Variants in ZZZ3 observed in about 807,000 individuals in gnomAD.
ZZZ3 encodes zinc finger ZZ-type containing 3.
Under a neutral mutation model 95.2 loss-of-function variants are expected in ZZZ3, and 22 were observed. That is an observed-to-expected ratio of 0.23 (90% CI 0.17 to 0.33). ZZZ3 has a LOEUF of 0.33. Among genes scored for constraint, ZZZ3 ranks in the 10% least tolerant of loss-of-function variants. ZZZ3 has a pLI of 1.00. For synonymous variants in ZZZ3, 335 were observed against 358.9 expected (o/e 0.93, Z 0.75); for missense variants, 885 against 1,066.5 (o/e 0.83, Z 2.37).
At chr1:77,575,393 CAA>C (rs971667234) in intron 12 of ZZZ3, among the ~76,000 whole-genome samples, 6 of 152,016 alleles carry the variant, frequency 3.9e-5, no homozygotes, top group Non-Finnish European at 7.4e-5. Flanking sequence ...GCTGTTATGC[CAA>C]AAAAAGAGAC....
intron 5 of ZZZ3, among the ~76,000 whole-genome samples, chr1:77,596,911 T>C (rs1162051462): frequency 6.6e-6 from 1 of 152,114 alleles, no homozygotes; most frequent in Admixed American, 6.6e-5. Flanking sequence ...AGTTTATAGA[T>C]ATGTGCATAT....
intron 12 of ZZZ3, 125 bp downstream of exon 12, chr1:77,575,943 T>C (rs978061856): frequency 2.7e-6 from 2 of 750,764 alleles, no homozygotes; most frequent in African/African-American, 3.6e-5. Context: ...GTACATTACT[T>C]AAAAACTATA....
At chr1:77,676,847 T>C (rs1385554311) in intron 1 of ZZZ3, 3 of 152,186 alleles carry the variant, frequency 2.0e-5, no homozygotes, top group Non-Finnish European at 2.9e-5. Context: ...AAATAAAGCA[T>C]TATTTAACAG....
At chr1:77,656,137 T>C (rs1670249765) in intron 1 of ZZZ3, among the ~76,000 whole-genome samples, 1 of 152,240 alleles carries the variant, frequency 6.6e-6, no homozygotes, top group Admixed American at 6.5e-5. Context: ...TTCATCAACT[T>C]ACAGTTTTCC....
intron 1 of ZZZ3, among the ~76,000 whole-genome samples, chr1:77,663,786 T>C (rs1488191997): frequency 6.6e-6 from 1 of 152,030 alleles, no homozygotes; most frequent in Non-Finnish European, 1.5e-5. Flanking sequence ...TTCGCTTTTG[T>C]TGCCCAGGCT....
chr1:77,607,751 A>C (rs1051753477), intron 5 of ZZZ3, among the ~76,000 whole-genome samples: 8 of 151,932 alleles, frequency 5.3e-5, no homozygotes, highest in Non-Finnish European at 1.0e-4. Context: ...GTGAAACCTT[A>C]TCTCTCCTAA....
At chr1:77,659,308 G>T (rs1340022413) in intron 1 of ZZZ3, among the ~76,000 whole-genome samples, 2 of 152,084 alleles carry the variant, frequency 1.3e-5, no homozygotes, top group Non-Finnish European at 2.9e-5. Context: ...GTTTAATTTA[G>T]TTTAATTCGA....
intron 1 of ZZZ3, among the ~76,000 whole-genome samples, chr1:77,681,139 C>T (rs1322041025): frequency 6.6e-6 from 1 of 152,164 alleles, no homozygotes; most frequent in African/African-American, 2.4e-5. Context: ...ACTTTCTCCC[C>T]TTCATTTAAG....
At chr1:77,579,976 AG>A (rs1225186396) in intron 9 of ZZZ3, 1 of 155,836 alleles carries the variant, frequency 6.4e-6, no homozygotes, top group Non-Finnish European at 1.4e-5. Context: ...ATCCAAGAAA[AG>A]ATGGTCAATC....
chr1:77,569,915 T>C (rs1661204494), intron 12 of ZZZ3, among the ~76,000 whole-genome samples: 1 of 152,192 alleles, frequency 6.6e-6, no homozygotes, highest in Non-Finnish European at 1.5e-5. Flanking sequence ...TGCTCACTTA[T>C]TTCCTAAAAG....
intron 1 of ZZZ3, among the ~76,000 whole-genome samples, chr1:77,668,775 T>G (rs1295235692): frequency 6.6e-6 from 1 of 152,076 alleles, no homozygotes. Flanking sequence ...ACACAGTCCA[T>G]TTGCCCAAAA....
chr1:77,606,394 T>TC (rs1386257237), intron 5 of ZZZ3, among the ~76,000 whole-genome samples: 1 of 152,128 alleles, frequency 6.6e-6, no homozygotes, highest in Non-Finnish European at 1.5e-5. Context: ...TCTCTAGACC[T>TC]CCCCAGAGTC....
At chr1:77,634,175 T>C (rs1668088414) in intron 4 of ZZZ3, among the ~76,000 whole-genome samples, 1 of 150,656 alleles carries the variant, frequency 6.6e-6, no homozygotes, top group Non-Finnish European at 1.5e-5. Flanking sequence ...CTCAAAAAAA[T>C]AAATAAATAA....
At chr1:77,670,778 A>G (rs1284740764) in intron 1 of ZZZ3, among the ~76,000 whole-genome samples, 3 of 151,800 alleles carry the variant, frequency 2.0e-5, no homozygotes, top group Non-Finnish European at 4.4e-5. Flanking sequence ...AAACACCCTG[A>G]CAAACAGCCA....
At chr1:77,661,947 G>T (rs1670827077) in intron 1 of ZZZ3, among the ~76,000 whole-genome samples, 2 of 150,044 alleles carry the variant, frequency 1.3e-5, no homozygotes, top group African/African-American at 4.9e-5. Context: ...CTCCTGAGTA[G>T]CTAGGACTAC....
At chr1:77,570,305 G>A (rs1030384299) in intron 12 of ZZZ3, among the ~76,000 whole-genome samples, 5 of 152,014 alleles carry the variant, frequency 3.3e-5, no homozygotes, top group African/African-American at 7.2e-5. Flanking sequence ...GGGTTTCACC[G>A]TGTTAGCCGG....
rs1282230666 is a variant in ZZZ3, at chr1:77,631,720, A to T, written c.1505+130T>A. The T allele has an allele frequency of 4.2e-6, 3 of 713,728 alleles. No homozygotes were observed. The African/African-American group carries it at 5.4e-5, about 13-fold the overall frequency. 44.2% of individuals were successfully genotyped at this position (713,728 alleles called of 1,614,324 possible). A position where few individuals can be genotyped will look rare whatever the true frequency, so the allele number is the denominator to read the frequency against. On this transcript the variant is annotated intron_variant, in intron 5 of 14. Coordinates refer to ENST00000370801, the MANE Select transcript of ZZZ3 (RefSeq NM_015534.6). Reference sequence around the variant, plus strand: ...TTGGAGTTTTTCTAAGAGTTGAGAAAATCATATTAAACCTAAAATTTTAGT... The same window carrying T: ...TTGGAGTTTTTCTAAGAGTTGAGAATATCATATTAAACCTAAAATTTTAGT...
intron 5 of ZZZ3, among the ~76,000 whole-genome samples, chr1:77,609,467 A>C (rs1665564268): frequency 6.6e-6 from 1 of 152,172 alleles, no homozygotes; most frequent in Non-Finnish European, 1.5e-5. Flanking sequence ...CACTTTCAGC[A>C]TTGGACTGAT....
In ZZZ3 at chr1:77,578,790, T is replaced by C. The variant is rs1379265761; in HGVS notation, c.2162A>G (p.Tyr721Cys). The C allele has an allele frequency of 4.5e-6, 7 of 1,555,482 alleles. No individual in the cohort carries two copies. Among genetic ancestry groups the C allele is most frequent in the Admixed American group, 4.0e-5 (2 of 49,496 alleles). ...IPVPGRTPNL[Y>C]IYSKKSSTSR... ...TTCTTTTACCTTTTTGGAGTATATA[T>C]ATAAGTTTGGTGTTCTGCCTGGTAC... Residue 721 changes from tyrosine to cysteine, a missense_variant, in exon 11 of 15, where the codon TAT (tyrosine) becomes TGT (cysteine). This residue lies in a region of ZZZ3 where 221 missense variants were observed against 247.8 expected (regional missense o/e 0.89). Transcript: ENST00000370801.
Sources: gnomAD v4.1 joint callset for allele counts (sites outside exome capture counted in the v4.1 genomes callset) on GRCh38, gnomAD v4.1.1 for gene constraint, gnomAD v4.1.1 regional missense constraint, MANE v1.5 for transcripts, NCBI Gene and HGNC (gene_info 2026-07-23, HGNC 2026-07-21) for gene names.